The following CNTNAP4 variants were observed in gnomAD, a reference collection of about 807,000 sequenced individuals.
The protein encoded by CNTNAP4 is contactin associated protein family member 4, also known as contactin-associated protein-like 4.
CNTNAP4 carries 98 observed loss-of-function variants against 148.4 expected under a neutral mutation model. The ratio of observed to expected loss-of-function variants is 0.66; its 90% confidence interval spans 0.56 to 0.78. The LOEUF is 0.78. CNTNAP4 is among the 30% of genes least tolerant of loss of function. The probability of loss-of-function intolerance (pLI) is 0.00; values close to 1 mark genes in which losing one functional copy is unlikely to be tolerated. For synonymous variants in CNTNAP4, 730 were observed against 565.1 expected, an observed-to-expected ratio of 1.29 and a Z score of -4.14; for missense variants, 1,935 against 1,565.6, an observed-to-expected ratio of 1.24 and a Z score of -3.98.
chr16:76,478,623 C>T (rs927899619), intron 11 of CNTNAP4, among the ~76,000 whole-genome samples: 9 of 152,170 alleles, frequency 5.9e-5, no homozygotes, highest in Middle Eastern at 3.4e-3. Context: ...GTATATTTGG[C>T]CAAGTGTTCA....
At chr16:76,466,654 A>G (rs1568289069) in intron 9 of CNTNAP4, among the ~76,000 whole-genome samples, 3 of 152,064 alleles carry the variant, frequency 2.0e-5, no homozygotes, top group African/African-American at 7.2e-5. Context: ...ATAATGGTTA[A>G]TATTATATTT....
intron 3 of CNTNAP4, among the ~76,000 whole-genome samples, chr16:76,357,065 A>T (rs2012762577): frequency 1.3e-5 from 2 of 151,380 alleles, no homozygotes; most frequent in South Asian, 4.2e-4. Flanking sequence ...CAAAACACAC[A>T]CACACACACA....
chr16:76,394,934 C>G (rs1344005558), intron 3 of CNTNAP4, among the ~76,000 whole-genome samples: 3 of 152,076 alleles, frequency 2.0e-5, no homozygotes, highest in Non-Finnish European at 2.9e-5. Flanking sequence ...TCTGTGACTC[C>G]TCTTTTACCA....
chr16:76,510,736 C>A (rs1015613565), intron 15 of CNTNAP4, among the ~76,000 whole-genome samples: 1 of 152,078 alleles, frequency 6.6e-6, no homozygotes, highest in Non-Finnish European at 1.5e-5. Context: ...CAACAGGGCT[C>A]TTGTATGCTT....
intron 7 of CNTNAP4, 69 bp from the exon 8 acceptor site, chr16:76,452,439 C>A (rs1282064399): frequency 1.3e-6 from 2 of 1,500,340 alleles, no homozygotes; most frequent in African/African-American, 2.8e-5. Context: ...TGAAAAGCAG[C>A]CTTCAAATTC....
chr16:76,329,972 G>C (rs191517377), intron 2 of CNTNAP4, among the ~76,000 whole-genome samples: 3 of 152,070 alleles, frequency 2.0e-5, no homozygotes, highest in African/African-American at 4.8e-5. Flanking sequence ...CCTGTCCTTC[G>C]CCAGAGCCTC....
Position 76,342,363 on chromosome 16 carries a change from G to C in CNTNAP4, c.197-12955G>C, listed in dbSNP as rs142939264. Among the ~76,000 whole-genome samples, 266 of 151,942 alleles carry C rather than the reference G, an allele frequency of 1.8e-3. 2 individuals carry two copies. Among genetic ancestry groups the C allele is most frequent in the African/African-American group, 6.3e-3 (259 of 41,414 alleles). ...TATGCATCTGTTGAAGGAAAAACTG[G>C]CATCATTAAATGAAAACAAAGTTTT... On this transcript the variant is annotated intron_variant, in intron 2 of 23. Coordinates refer to ENST00000611870, the MANE Select transcript of CNTNAP4 (RefSeq NM_033401.5).
intron 8 of CNTNAP4, among the ~76,000 whole-genome samples, chr16:76,460,933 C>T (rs1329234674): frequency 5.3e-5 from 8 of 150,932 alleles, no homozygotes; most frequent in Admixed American, 2.6e-4. Flanking sequence ...TTCCTGGGAG[C>T]GTCTGTCACA....
chr16:76,473,407 T>A (rs2081441503), intron 10 of CNTNAP4, among the ~76,000 whole-genome samples: 1 of 152,218 alleles, frequency 6.6e-6, no homozygotes, highest in Admixed American at 6.5e-5. Flanking sequence ...TCTCTTTTTT[T>A]ATAATCAGGA....
chr16:76,331,274 G>A (rs749010571), intron 2 of CNTNAP4, among the ~76,000 whole-genome samples: 5 of 151,710 alleles, frequency 3.3e-5, no homozygotes, highest in East Asian at 1.9e-4. Context: ...TGTAAGCTCC[G>A]CCTCCCGGGT....
chr16:76,489,632 T>C, intron 12 of CNTNAP4, 54 bp from the exon 13 acceptor site: 2 of 982,260 alleles, frequency 2.0e-6, no homozygotes, highest in Non-Finnish European at 2.8e-6. Context: ...TTATTTTAAC[T>C]TTTGCAGACT....
chr16:76,540,012 A>G (rs1039267854), intron 20 of CNTNAP4, among the ~76,000 whole-genome samples, 160 bp downstream of exon 20: 2 of 152,132 alleles, frequency 1.3e-5, no homozygotes, highest in African/African-American at 4.8e-5. Context: ...CTTTTAAGCA[A>G]TAAGATTTTG....
At chr16:76,337,752 A>G (rs926748047) in intron 2 of CNTNAP4, among the ~76,000 whole-genome samples, 2 of 151,772 alleles carry the variant, frequency 1.3e-5, no homozygotes, top group Admixed American at 6.6e-5. Flanking sequence ...TAAGACAGAC[A>G]CTCCCAGAGC....
At chr16:76,328,325 G>C (rs1026918965) in intron 2 of CNTNAP4, among the ~76,000 whole-genome samples, 1 of 152,122 alleles carries the variant, frequency 6.6e-6, no homozygotes, top group Non-Finnish European at 1.5e-5. Context: ...GAAAACATTA[G>C]ACCTACCTGA....
intron 2 of CNTNAP4, among the ~76,000 whole-genome samples, chr16:76,325,160 C>A (rs1258666825): frequency 6.6e-6 from 1 of 152,004 alleles, no homozygotes; most frequent in East Asian, 1.9e-4. Flanking sequence ...TAGAGGTAGA[C>A]AGTACATACA....
At chr16:76,495,385 T>C (rs1567117) in intron 14 of CNTNAP4, among the ~76,000 whole-genome samples, 127,392 of 151,976 alleles carry the variant, frequency 0.84, 54,302 homozygotes, top group East Asian at 0.97. Context: ...CTTAAAAATA[T>C]GTTTACAGCC....
At chr16:76,472,709 A>G (rs1489022453) in intron 10 of CNTNAP4, among the ~76,000 whole-genome samples, 10 of 152,208 alleles carry the variant, frequency 6.6e-5, no homozygotes, top group Non-Finnish European at 1.3e-4. Flanking sequence ...ATACTAATGC[A>G]ATGAATACGA....
chr16:76,478,483 A>G (rs2081676890), intron 11 of CNTNAP4, among the ~76,000 whole-genome samples: 1 of 152,226 alleles, frequency 6.6e-6, no homozygotes, highest in South Asian at 2.1e-4. Flanking sequence ...CATTGAACAA[A>G]TTAGCCATAG....
chr16:76,288,216 A>G (rs561181915), intron 1 of CNTNAP4, among the ~76,000 whole-genome samples: 13 of 151,980 alleles, frequency 8.6e-5, no homozygotes, highest in Non-Finnish European at 5.9e-5. Flanking sequence ...GCCTGCCACC[A>G]TGTAAGACGT....
Sources: allele counts gnomAD v4.1 joint callset (sites outside exome capture counted in the v4.1 genomes callset), GRCh38; gene constraint gnomAD v4.1.1; transcripts MANE v1.5; gene names NCBI Gene and HGNC (gene_info 2026-07-23, HGNC 2026-07-21).